The following MYO9A variants were observed in gnomAD, a reference collection of about 807,000 sequenced individuals.
MYO9A encodes the protein unconventional myosin-IXa.
In MYO9A, 103 loss-of-function variants were observed where a neutral mutation model predicts 293.3. The observed-to-expected ratio is 0.35, with a 90% CI of 0.30 to 0.41. The LOEUF (loss-of-function observed/expected upper bound fraction) is 0.41, where lower values mean the gene tolerates loss of function less well. Among genes scored for constraint, MYO9A ranks in the 10% least tolerant of loss-of-function variants. MYO9A has a pLI of 1.00. For missense variants in MYO9A, 2,685 were observed against 3,033.0 expected, an observed-to-expected ratio of 0.89 and a Z score of 2.69; for synonymous variants, 1,001 against 1,035.7, an observed-to-expected ratio of 0.97 and a Z score of 0.64.
At chr15:72,090,304 T>C (rs2079865885) in intron 1 of MYO9A, among the ~76,000 whole-genome samples, 1 of 152,292 alleles carries the variant, frequency 6.6e-6, no homozygotes, top group South Asian at 2.1e-4. Context: ...TTAAACAAAG[T>C]ATATTAAATA....
At chr15:71,910,074 T>TTG (rs1567260076) in intron 19 of MYO9A, among the ~76,000 whole-genome samples, 32 of 148,486 alleles carry the variant, frequency 2.2e-4, no homozygotes, top group African/African-American at 7.9e-4. Flanking sequence ...AGCCCCAATT[T>TTG]TATATATATA....
In MYO9A at chr15:71,824,582, C is replaced by CT. The variant is rs752236138; in HGVS notation, c.*1997dup. On this transcript the variant is annotated 3_prime_UTR_variant, in exon 42 of 42. Transcript: ENST00000356056. The stretch of plus-strand genomic sequence containing the variant: ...GGGCTGAGGAACCAGCAATCCCACT[C>CT]TAACACACCATGCTGAGGGGTTTTC... 6.6e-6 allele frequency: 1 copy of CT among 152,278 alleles called. No individual in the cohort carries two copies. Among genetic ancestry groups the CT allele is most frequent in the Admixed American group, 6.5e-5 (1 of 15,288 alleles). 9.4% of individuals were successfully genotyped at this position (152,278 alleles called of 1,614,324 possible).
At chr15:72,075,066 G>C (rs1321992194) in intron 1 of MYO9A, among the ~76,000 whole-genome samples, 5 of 138,262 alleles carry the variant, frequency 3.6e-5, no homozygotes, top group Non-Finnish European at 1.5e-5. Context: ...CCAGGTTCAA[G>C]CAATTCTCCT....
chr15:71,849,954 C>G lies in MYO9A; in HGVS notation c.6713+82G>C, dbSNP rs143614233. The G allele has an allele frequency of 8.2e-3, 12,500 of 1,518,384 alleles. 109 individuals carry two copies. The highest frequency in any genetic ancestry group is 0.023 in the African/African-American group (1,671 of 72,848). The allele number at this position is 1,518,384 out of a possible 1,614,324, so 94.1% of individuals were successfully genotyped here. A position where few individuals can be genotyped will look rare whatever the true frequency, so the allele number is the denominator to read the frequency against. On this transcript the variant is annotated intron_variant, in intron 38 of 41. Transcript: ENST00000356056. ...AAACACCTGAATTTATGAACCCATTCACTATGTTTGATATCTGGATACAGT... is the reference window on the plus strand; with the variant it reads ...AAACACCTGAATTTATGAACCCATTGACTATGTTTGATATCTGGATACAGT...
At chr15:71,877,164 A>G (rs2056719610) in intron 31 of MYO9A, among the ~76,000 whole-genome samples, 1 of 152,234 alleles carries the variant, frequency 6.6e-6, no homozygotes, top group African/African-American at 2.4e-5. Flanking sequence ...AAAGAAACAC[A>G]TTGATAACTT....
At chr15:71,944,299 T>C (rs1254277550) in intron 15 of MYO9A, among the ~76,000 whole-genome samples, 2 of 152,110 alleles carry the variant, frequency 1.3e-5, no homozygotes, top group Non-Finnish European at 2.9e-5. Flanking sequence ...CTGTGGTATG[T>C]TTTTTGTTTT....
intron 8 of MYO9A, among the ~76,000 whole-genome samples, chr15:72,002,419 G>A (rs1456442981): frequency 6.6e-6 from 1 of 152,006 alleles, no homozygotes; most frequent in African/African-American, 2.4e-5. Flanking sequence ...GCCCAGGCGG[G>A]TCTTGAACTC....
intron 39 of MYO9A, 94 bp from the exon 40 acceptor site, chr15:71,830,405 A>T: frequency 8.5e-7 from 1 of 1,170,038 alleles, no homozygotes; most frequent in Non-Finnish European, 1.2e-6. Context: ...CCATCACACC[A>T]GGTGAATGAT....
At chr15:72,009,156 A>G (rs897398649) in intron 7 of MYO9A, among the ~76,000 whole-genome samples, 9 of 152,236 alleles carry the variant, frequency 5.9e-5, no homozygotes, top group African/African-American at 2.2e-4. Context: ...ATGGAAGTCA[A>G]AAGACAAAAA....
Position 71,827,607 on chromosome 15 carries a change from C to T in MYO9A, c.7183+277G>A, listed in dbSNP as rs565395339. Among the ~76,000 whole-genome samples the T allele has an allele frequency of 2.6e-5, 4 of 152,046 alleles. No individual in the cohort carries two copies. The South Asian group carries it at 6.2e-4, about 24-fold the overall frequency. ...GTATATGGAAGCTTTACAAAGACAA[C>T]AGGAAAAAAAAGACCTTCCGTGGAA... On this transcript the variant is annotated intron_variant, in intron 41 of 41. Coordinates refer to ENST00000356056, the MANE Select transcript of MYO9A (RefSeq NM_006901.4).
intron 11 of MYO9A, among the ~76,000 whole-genome samples, chr15:71,985,282 GTC>G (rs956811710): frequency 2.6e-5 from 4 of 150,956 alleles, no homozygotes; most frequent in Non-Finnish European, 1.5e-5. Context: ...GTCTCTGTCT[GTC>G]TCTCTCTCTC....
At chr15:72,024,499 T>C (rs2077603388) in intron 4 of MYO9A, among the ~76,000 whole-genome samples, 1 of 152,216 alleles carries the variant, frequency 6.6e-6, no homozygotes, top group Admixed American at 6.5e-5. Context: ...CTCGAACTCC[T>C]GGCCTCAAGT....
At chr15:71,830,432 ACT>A (rs1416549259) in intron 39 of MYO9A, 121 bp from the exon 40 acceptor site, 1 of 914,464 alleles carries the variant, frequency 1.1e-6, no homozygotes, top group African/African-American at 1.7e-5. Context: ...AAATGGAAAC[ACT>A]CTGCGAGGCC....
At chr15:71,929,819 G>A (rs1477197656) in intron 18 of MYO9A, among the ~76,000 whole-genome samples, 1 of 152,180 alleles carries the variant, frequency 6.6e-6, no homozygotes, top group African/African-American at 2.4e-5. Flanking sequence ...ACCCAGTCAT[G>A]GCACTGCTGG....
Position 71,903,919 on chromosome 15 carries a change from AAAACAGAACCTGG to A in MYO9A, c.2874_2877+9del. ...GTCTAAATATGTAAATATCACTATA[AAAACAGAACCTGG>A]AAAGAATATTTGGAGCTGTATCCTG... On this transcript the variant is annotated splice_donor_variant and splice_donor_5th_base_variant and coding_sequence_variant and intron_variant, in exon 21 of 42. Transcript: ENST00000356056. LOFTEE classifies it high-confidence loss of function. 1 of 1,609,482 alleles carries A rather than the reference AAAACAGAACCTGG, an allele frequency of 6.2e-7. No homozygotes were observed. Among genetic ancestry groups the A allele is most frequent in the Non-Finnish European group, 8.5e-7 (1 of 1,176,526 alleles).
At chr15:71,984,261 T>A (rs1330329987) in intron 11 of MYO9A, among the ~76,000 whole-genome samples, 2 of 152,250 alleles carry the variant, frequency 1.3e-5, no homozygotes, top group African/African-American at 4.8e-5. Context: ...CAAGTTATGA[T>A]GCTTGGTAGT....
intron 1 of MYO9A, among the ~76,000 whole-genome samples, chr15:72,103,864 G>A (rs2080477942): frequency 6.6e-6 from 1 of 152,192 alleles, no homozygotes. Context: ...CCTCCACTGA[G>A]GGGGGATATG....
chr15:71,889,317 CTA>C (rs1567232921), intron 26 of MYO9A, among the ~76,000 whole-genome samples: 2 of 152,110 alleles, frequency 1.3e-5, no homozygotes, highest in Non-Finnish European at 2.9e-5. Context: ...GTAATAGTGT[CTA>C]TGCCCAAGAG....
chr15:72,087,898 C>T (rs1301791712), intron 1 of MYO9A, among the ~76,000 whole-genome samples: 1 of 152,076 alleles, frequency 6.6e-6, no homozygotes, highest in East Asian at 1.9e-4. Flanking sequence ...ATGTTAAAGC[C>T]CCAATCTGCA....
Sources: gnomAD v4.1 joint callset for allele counts (sites outside exome capture counted in the v4.1 genomes callset) on GRCh38, gnomAD v4.1.1 for gene constraint, MANE v1.5 for transcripts, NCBI Gene and HGNC (gene_info 2026-07-23, HGNC 2026-07-21) for gene names.